AGBL1: variants seen among roughly 807,000 people sequenced by gnomAD.
AGBL1 encodes cytosolic carboxypeptidase 4.
AGBL1 carries 130 observed loss-of-function variants against 118.9 expected under a neutral mutation model. The observed-to-expected ratio is 1.09, with a 90% confidence interval of 0.95 to 1.26. The LOEUF (loss-of-function observed/expected upper bound fraction) is 1.26, where lower values mean the gene tolerates loss of function less well. Ranked by LOEUF, AGBL1 falls within the 50% of genes most tolerant of loss-of-function variation. AGBL1 has a pLI of 0.00. For missense variants in AGBL1, 1,584 were observed against 1,298.1 expected, an observed-to-expected ratio of 1.22 and a Z score of -3.38; for synonymous variants, 555 against 478.9, an observed-to-expected ratio of 1.16 and a Z score of -2.08.
At chr15:86,886,433 AT>A (rs2079972053) in intron 22 of AGBL1, among the ~76,000 whole-genome samples, 1 of 152,188 alleles carries the variant, frequency 6.6e-6, no homozygotes, top group Non-Finnish European at 1.5e-5. Flanking sequence ...CAGCAGAGAT[AT>A]TTGGTTATCC....
intron 18 of AGBL1, among the ~76,000 whole-genome samples, chr15:86,482,659 A>G (rs2082667045): frequency 6.6e-6 from 1 of 152,130 alleles, no homozygotes; most frequent in Non-Finnish European, 1.5e-5. Flanking sequence ...GAGGAGAGGA[A>G]ACAAATGAAA....
intron 21 of AGBL1, among the ~76,000 whole-genome samples, chr15:86,595,512 T>C (rs1027508260): frequency 1.3e-5 from 2 of 152,192 alleles, no homozygotes; most frequent in Middle Eastern, 3.2e-3. Context: ...TTTACATTTC[T>C]AGTAAATCAA....
At chr15:86,391,937 C>T (rs2141981758) in intron 17 of AGBL1, among the ~76,000 whole-genome samples, 1 of 152,084 alleles carries the variant, frequency 6.6e-6, no homozygotes, top group African/African-American at 2.4e-5. Flanking sequence ...CTGGACAGAC[C>T]AGATCAAATG....
intron 1 of AGBL1, among the ~76,000 whole-genome samples, chr15:86,128,303 G>C (rs1040069879): frequency 6.6e-6 from 1 of 151,960 alleles, no homozygotes; most frequent in Non-Finnish European, 1.5e-5. Context: ...GATCTCACGA[G>C]AGTTATTCAC....
At chr15:86,809,160 C>T (rs538325888) in intron 22 of AGBL1, among the ~76,000 whole-genome samples, 1 of 152,232 alleles carries the variant, frequency 6.6e-6, no homozygotes, top group South Asian at 2.1e-4. Context: ...GTGACAGATT[C>T]ATAATTCAAT....
intron 22 of AGBL1, among the ~76,000 whole-genome samples, chr15:86,704,239 T>G (rs371875840): frequency 2.0e-5 from 3 of 152,220 alleles, no homozygotes; most frequent in South Asian, 2.1e-4. Flanking sequence ...CAAAGACTCA[T>G]GACTAAAACA....
rs141223293 is a variant in AGBL1 at position 86,413,439 on chromosome 15, T to C, written c.2555+15893T>C. Reference sequence around the variant, plus strand: ...TGGTAGTTCTATTTTTAGTTCTTTGTGAAATCTGCATGCTGTCTTCCATAG... The same window carrying C: ...TGGTAGTTCTATTTTTAGTTCTTTGCGAAATCTGCATGCTGTCTTCCATAG... On this transcript the variant is annotated intron_variant, in intron 18 of 22. Coordinates refer to ENST00000614907, the MANE Select transcript of AGBL1 (RefSeq NM_001386094.1). Among the ~76,000 whole-genome samples, 481 of 152,260 alleles carry C rather than the reference T, an allele frequency of 3.2e-3. 1 individual carries two copies. Among genetic ancestry groups the C allele is most frequent in the African/African-American group, 0.011 (454 of 41,580 alleles).
intron 24 of AGBL1, among the ~76,000 whole-genome samples, chr15:86,998,500 C>A (rs917675342): frequency 1.3e-5 from 2 of 152,164 alleles, no homozygotes; most frequent in Non-Finnish European, 2.9e-5. Flanking sequence ...CTGGCTGATA[C>A]CTCAATTGTA....
At chr15:86,109,184 C>T (rs1197924370) in intron 1 of AGBL1, among the ~76,000 whole-genome samples, 2 of 152,100 alleles carry the variant, frequency 1.3e-5, no homozygotes, top group African/African-American at 4.8e-5. Context: ...AAATACAGTA[C>T]TACAATAATA....
chr15:86,148,243 C>A (rs2141667844), intron 3 of AGBL1, among the ~76,000 whole-genome samples: 1 of 152,280 alleles, frequency 6.6e-6, no homozygotes, highest in African/African-American at 2.4e-5. Flanking sequence ...ATTGCAGCTC[C>A]TTGCCAGCAA....
intron 23 of AGBL1, among the ~76,000 whole-genome samples, chr15:86,978,735 A>G (rs1040534186): frequency 1.3e-5 from 2 of 152,156 alleles, no homozygotes; most frequent in Non-Finnish European, 2.9e-5. Context: ...GATAAGCTCT[A>G]AGTCACTGCA....
At chr15:86,476,659 T>C (rs1043231281) in intron 18 of AGBL1, among the ~76,000 whole-genome samples, 1 of 152,146 alleles carries the variant, frequency 6.6e-6, no homozygotes, top group Non-Finnish European at 1.5e-5. Context: ...ACTGTCAACA[T>C]GAGACAGATG....
rs1213789782 is a variant in AGBL1, at chr15:86,264,425, G to T, written c.1254G>T (p.Arg418Ser). 1 of 1,613,892 alleles carries T rather than the reference G, an allele frequency of 6.2e-7. No individual in the cohort carries two copies. Among genetic ancestry groups the T allele is most frequent in the African/African-American group, 1.3e-5 (1 of 75,010 alleles). ...CTGTCCAGACTTCCCTTCTGTGCAGGGTGAAGACGGGAAGGTCCACTGTGC... is the reference window on the plus strand; with the variant it reads ...CTGTCCAGACTTCCCTTCTGTGCAGTGTGAAGACGGGAAGGTCCACTGTGC... ...EYAVQTSLLCRVKTGRSTVHL... is the reference protein window; with the variant it reads ...EYAVQTSLLCSVKTGRSTVHL... Residue 418 changes from arginine to serine, a missense_variant, in exon 11 of 23, where the codon AGG becomes AGT. Physicochemically the swap from Arg to Ser is moderately radical, Grantham distance 110. Transcript: ENST00000614907.
At chr15:86,638,317 T>G (rs1391613188) in intron 21 of AGBL1, among the ~76,000 whole-genome samples, 7 of 152,234 alleles carry the variant, frequency 4.6e-5, no homozygotes, top group African/African-American at 1.7e-4. Context: ...CTATGAATAC[T>G]TCAATGACAA....
intron 22 of AGBL1, among the ~76,000 whole-genome samples, chr15:86,863,477 G>A (rs1268314965): frequency 6.6e-6 from 1 of 151,748 alleles, no homozygotes; most frequent in Non-Finnish European, 1.5e-5. Flanking sequence ...GGAAGCCACA[G>A]TAATCGCTGC....
chr15:86,840,767 T>C (rs2141436205), intron 22 of AGBL1, among the ~76,000 whole-genome samples: 1 of 152,156 alleles, frequency 6.6e-6, no homozygotes, highest in South Asian at 2.1e-4. Context: ...CTTAGACAGG[T>C]ATATTATTTT....
chr15:86,676,791 CA>C (rs1426695832), intron 22 of AGBL1, among the ~76,000 whole-genome samples: 1 of 152,070 alleles, frequency 6.6e-6, no homozygotes, highest in Non-Finnish European at 1.5e-5. Context: ...GGCTCTTCTC[CA>C]AAGGTCTGCC....
chr15:86,181,821 G>T (rs1001581933), intron 5 of AGBL1, among the ~76,000 whole-genome samples: 3 of 151,940 alleles, frequency 2.0e-5, no homozygotes, highest in Non-Finnish European at 4.4e-5. Flanking sequence ...TATAACATTA[G>T]AAATTACTTT....
At chr15:86,858,133 C>T (rs1223401068) in intron 22 of AGBL1, among the ~76,000 whole-genome samples, 2 of 152,120 alleles carry the variant, frequency 1.3e-5, no homozygotes, top group Non-Finnish European at 2.9e-5. Flanking sequence ...GATACAATAT[C>T]TGTAGCACAG....
Sources: allele counts gnomAD v4.1 joint callset (sites outside exome capture counted in the v4.1 genomes callset), GRCh38; gene constraint gnomAD v4.1.1; transcripts MANE v1.5; gene names NCBI Gene and HGNC (gene_info 2026-07-23, HGNC 2026-07-21).